FGF12: variants seen among roughly 807,000 people sequenced by gnomAD.
FGF12 encodes the protein fibroblast growth factor 12B.
FGF12 carries 14 observed loss-of-function variants against 23.6 expected under a neutral mutation model. The observed-to-expected ratio is 0.59, with a 90% CI of 0.39 to 0.93. The LOEUF is 0.93. Among genes scored for constraint, FGF12 ranks in the 40% least tolerant of loss-of-function variants. The probability of loss-of-function intolerance (pLI) is 0.00; values close to 1 mark genes in which losing one functional copy is unlikely to be tolerated. For synonymous variants in FGF12, 62 were observed against 77.3 expected (o/e 0.80, Z 1.04); for missense variants, 175 against 217.8 (o/e 0.80, Z 1.24).
chr3:192,651,568 T>C (rs1716216938), intron 2 of FGF12, among the ~76,000 whole-genome samples: 1 of 152,216 alleles, frequency 6.6e-6, no homozygotes, highest in Non-Finnish European at 1.5e-5. Context: ...ATGCTTTTCT[T>C]ATATGCAACA....
intron 4 of FGF12, among the ~76,000 whole-genome samples, chr3:192,187,724 A>G (rs1478273718): frequency 6.6e-6 from 1 of 152,150 alleles, no homozygotes; most frequent in Non-Finnish European, 1.5e-5. Context: ...GGAACTTGGA[A>G]GCAAATGAAG....
At chr3:192,647,955 C>G (rs1716076302) in intron 2 of FGF12, among the ~76,000 whole-genome samples, 1 of 151,914 alleles carries the variant, frequency 6.6e-6, no homozygotes, top group African/African-American at 2.4e-5. Context: ...CCACTTACAT[C>G]TATTATCAAA....
rs1268869164 is a variant in FGF12, at chr3:192,725,100, T to A, written c.13+2081A>T. Among the ~76,000 whole-genome samples the A allele has an allele frequency of 2.0e-5, 3 of 152,350 alleles. No individual in the cohort carries two copies. The East Asian group carries it at 5.8e-4, about 29-fold the overall frequency. Reference sequence around the variant, plus strand: ...TTGCACAAATACACATTTCTCTTAATACACTCTTTTTGGCTGGAATAAAAA... The same window carrying A: ...TTGCACAAATACACATTTCTCTTAAAACACTCTTTTTGGCTGGAATAAAAA... On this transcript the variant is annotated intron_variant, in intron 2 of 5. Coordinates refer to ENST00000445105, the MANE Select transcript of FGF12 (RefSeq NM_004113.6).
intron 2 of FGF12, among the ~76,000 whole-genome samples, chr3:192,504,710 T>G (rs879574405): frequency 1.3e-5 from 2 of 152,136 alleles, no homozygotes; most frequent in Non-Finnish European, 2.9e-5. Context: ...AACCCAAATC[T>G]CTCTCACACT....
intron 2 of FGF12, among the ~76,000 whole-genome samples, chr3:192,476,328 A>G (rs968926301): frequency 5.9e-5 from 9 of 152,206 alleles, no homozygotes; most frequent in Non-Finnish European, 1.3e-4. Flanking sequence ...TGAAAAAAAA[A>G]TGAAGCCCAG....
At position 192,144,018 on chromosome 3, in the gene FGF12, A is replaced by G. The variant is rs1015496615; in HGVS notation, c.537T>C (p.Asp179=). Residue 179 remains aspartate, a synonymous_variant, in exon 6 of 6, where the codon GAT becomes GAC. Coordinates refer to ENST00000445105, the MANE Select transcript of FGF12 (RefSeq NM_004113.6). Reference sequence around the variant, plus strand: ...AGGGGAGAGTTCTCAGCTATGTTGAATCTTGATTCACAACTTTGCCTCCAT... The same window carrying G: ...AGGGGAGAGTTCTCAGCTATGTTGAGTCTTGATTCACAACTTTGCCTCCAT... ...TMNGGKVVNQ[D]ST is the part of the protein sequence containing the mutation. 2 of 1,603,476 alleles carry G rather than the reference A, an allele frequency of 1.2e-6. No individual in the cohort carries two copies. Among genetic ancestry groups the G allele is most frequent in the African/African-American group, 2.7e-5 (2 of 74,774 alleles).
intron 2 of FGF12, among the ~76,000 whole-genome samples, chr3:192,379,234 C>T (rs1719708620): frequency 6.6e-6 from 1 of 151,906 alleles, no homozygotes; most frequent in Admixed American, 6.6e-5. Context: ...TAATTCATAC[C>T]TACATTTCCC....
At chr3:192,572,904 G>A (rs941028773) in intron 2 of FGF12, among the ~76,000 whole-genome samples, 7 of 152,030 alleles carry the variant, frequency 4.6e-5, no homozygotes, top group African/African-American at 1.4e-4. Flanking sequence ...TTTTCCAACC[G>A]TTAGAATTAC....
At chr3:192,382,548 G>A (rs574941992) in intron 2 of FGF12, among the ~76,000 whole-genome samples, 8 of 151,750 alleles carry the variant, frequency 5.3e-5, no homozygotes, top group East Asian at 3.9e-4. Flanking sequence ...AAAAAAATAC[G>A]TTGGTATAAA....
At chr3:192,679,044 G>A (rs190488912) in intron 2 of FGF12, among the ~76,000 whole-genome samples, 6 of 152,264 alleles carry the variant, frequency 3.9e-5, no homozygotes, top group Admixed American at 3.9e-4. Flanking sequence ...CCACACTTTT[G>A]AGAATCTCCG....
At chr3:192,455,793 A>G (rs925610070) in intron 2 of FGF12, among the ~76,000 whole-genome samples, 14 of 152,242 alleles carry the variant, frequency 9.2e-5, no homozygotes, top group African/African-American at 3.4e-4. Context: ...TAGTAGATGT[A>G]ACTGAGAATA....
At chr3:192,683,186 A>G (rs115589464) in intron 2 of FGF12, among the ~76,000 whole-genome samples, 4,707 of 152,286 alleles carry the variant, frequency 0.031, 253 homozygotes, top group African/African-American at 0.11. Flanking sequence ...CAGTGAAAGC[A>G]GCCCAAGGAA....
intron 2 of FGF12, among the ~76,000 whole-genome samples, chr3:192,434,537 A>C (rs1721957650): frequency 6.6e-6 from 1 of 152,134 alleles, no homozygotes; most frequent in East Asian, 1.9e-4. Context: ...ATGTGCAGGT[A>C]TACATGTATG....
intron 2 of FGF12, among the ~76,000 whole-genome samples, chr3:192,698,690 A>C (rs1718202648): frequency 6.6e-6 from 1 of 152,132 alleles, no homozygotes; most frequent in Non-Finnish European, 1.5e-5. Flanking sequence ...AAATTCATAC[A>C]CTGAGCAGAA....
chr3:192,410,237 C>T (rs918597659), intron 2 of FGF12, among the ~76,000 whole-genome samples: 8 of 152,198 alleles, frequency 5.3e-5, no homozygotes, highest in Non-Finnish European at 7.3e-5. Flanking sequence ...TGGAGCCCTC[C>T]GCTTCCAGAC....
rs1197629021 is a variant in FGF12, at chr3:192,142,422, A to C, written c.*1587T>G. 6.6e-6 allele frequency: 1 copy of C among 152,518 alleles called. No homozygotes were observed. The highest frequency in any genetic ancestry group is 1.9e-4 in the East Asian group (1 of 5,192). The allele number at this position is 152,518 out of a possible 1,614,324, so 9.4% of individuals were successfully genotyped here. On this transcript the variant is annotated 3_prime_UTR_variant, in exon 6 of 6. Transcript: ENST00000445105. ...ACATGCTGGACAGTAGAGATATAGG[A>C]GAAGTTACATGCTATGTCTTCTCAT...
chr3:192,670,149 C>T (rs1376638249), intron 2 of FGF12, among the ~76,000 whole-genome samples: 1 of 152,076 alleles, frequency 6.6e-6, no homozygotes, highest in Non-Finnish European at 1.5e-5. Context: ...ATATTGAATG[C>T]AGAAGTAGAT....
In FGF12 at chr3:192,381,691, C is replaced by T. The variant is rs536712124; in HGVS notation, c.14-21153G>A. Among the ~76,000 whole-genome samples, 17 of 152,108 alleles carry T rather than the reference C, an allele frequency of 1.1e-4. No homozygotes were observed. The South Asian group carries it at 1.7e-3, about 15-fold the overall frequency. On this transcript the variant is annotated intron_variant, in intron 2 of 5. Coordinates refer to ENST00000445105, the MANE Select transcript of FGF12 (RefSeq NM_004113.6). Reference sequence around the variant, plus strand: ...AGGAATTAGCTAGAGGAAGTGAGTACGTGTCAGAAAAAATGAGGAGTAAAA... The same window carrying T: ...AGGAATTAGCTAGAGGAAGTGAGTATGTGTCAGAAAAAATGAGGAGTAAAA...
chr3:192,556,984 A>G (rs1212694486), intron 2 of FGF12, among the ~76,000 whole-genome samples: 1 of 152,074 alleles, frequency 6.6e-6, no homozygotes, highest in African/African-American at 2.4e-5. Context: ...GCCAAAAGGG[A>G]AACTTAAAAA....
Sources: allele counts gnomAD v4.1 joint callset (sites outside exome capture counted in the v4.1 genomes callset), GRCh38; gene constraint gnomAD v4.1.1; transcripts MANE v1.5; gene names NCBI Gene and HGNC (gene_info 2026-07-23, HGNC 2026-07-21).